TOM1L1: variants seen among roughly 807,000 people sequenced by gnomAD.
TOM1L1 encodes TOM1-like protein 1.
TOM1L1 carries 64 observed loss-of-function variants against 63.4 expected under a neutral mutation model. That is an observed-to-expected ratio of 1.01 (90% CI 0.83 to 1.24). The LOEUF is 1.24. TOM1L1 is among the 50% of genes most tolerant of loss of function. TOM1L1 has a pLI of 0.00. For synonymous variants in TOM1L1, 166 were observed against 194.4 expected, an observed-to-expected ratio of 0.85 and a Z score of 1.22; for missense variants, 536 against 567.0, an observed-to-expected ratio of 0.95 and a Z score of 0.55.
At chr17:54,956,815 A>G (rs2144051636) in intron 14 of TOM1L1, 1 of 152,130 alleles carries the variant, frequency 6.6e-6, no homozygotes, top group African/African-American at 2.4e-5. Context: ...TCTCCAAAGC[A>G]GGAAAGTGAC....
intron 1 of TOM1L1, chr17:54,901,144 C>A (rs2048320743): frequency 4.7e-6 from 3 of 634,450 alleles, no homozygotes; most frequent in Non-Finnish European, 8.2e-6. Flanking sequence ...AAAAATGTAC[C>A]TTCCTTTCGA....
At chr17:54,921,969 A>G (rs1187170768) in intron 7 of TOM1L1, among the ~76,000 whole-genome samples, 1 of 152,164 alleles carries the variant, frequency 6.6e-6, no homozygotes, top group East Asian at 1.9e-4. Context: ...CTGTATTCTT[A>G]AAGTAAGCTA....
chr17:54,922,241 C>T (rs990723043), intron 7 of TOM1L1, among the ~76,000 whole-genome samples: 4 of 150,762 alleles, frequency 2.7e-5, no homozygotes, highest in South Asian at 4.2e-4. Context: ...TGCAGTGAGC[C>T]GAGATCAAGC....
intron 14 of TOM1L1, among the ~76,000 whole-genome samples, chr17:54,959,791 G>GT (rs1567851698): frequency 6.6e-6 from 1 of 151,802 alleles, no homozygotes; most frequent in Admixed American, 6.6e-5. Flanking sequence ...TAATTTTTAT[G>GT]TTTTTTGTAG....
chr17:54,958,262 AGAACT>A (rs1410615270), intron 14 of TOM1L1: 2 of 152,266 alleles, frequency 1.3e-5, no homozygotes, highest in Non-Finnish European at 2.9e-5. Flanking sequence ...AAGTAAGATA[AGAACT>A]GAAAACTAGA....
chr17:54,960,568 C>A lies in TOM1L1; in HGVS notation c.1373C>A (p.Ala458Asp). The A allele has an allele frequency of 6.2e-7, 1 of 1,612,668 alleles. No homozygotes were observed. The highest frequency in any genetic ancestry group is 8.5e-7 in the Non-Finnish European group (1 of 1,179,330). ...DPLAPAVTTE[A>D]IYEEIDAHQH... Reference sequence around the variant, plus strand: ...TTGCTGTGATGGCTTTGTTTCAGAGCTATTTATGAAGAAATTGATGCTCAC... The same window carrying A: ...TTGCTGTGATGGCTTTGTTTCAGAGATATTTATGAAGAAATTGATGCTCAC... The change falls in exon 15 of 16, where the codon GCT (alanine) becomes GAT (aspartate). Residue 458 changes from alanine to aspartate, a missense_variant and splice_region_variant. Ala to Asp is a moderately radical substitution (Grantham distance 126, BLOSUM62 -2). Transcript: ENST00000575882.
intron 1 of TOM1L1, among the ~76,000 whole-genome samples, chr17:54,903,496 T>C (rs764950300): frequency 2.0e-5 from 3 of 152,244 alleles, no homozygotes; most frequent in South Asian, 2.1e-4. Context: ...TCTTTATTAA[T>C]AGGTCACTCA....
intron 12 of TOM1L1, 23 bp from the exon 13 acceptor site, chr17:54,949,495 A>C (rs754831545): frequency 1.3e-6 from 2 of 1,566,582 alleles, no homozygotes; most frequent in South Asian, 2.2e-5. Context: ...CGTTTATATG[A>C]ACATGTGTTA....
Position 54,913,755 on chromosome 17 carries a change from C to G in TOM1L1, c.380C>G (p.Ser127Ter). 6.2e-7 allele frequency: 1 copy of G among 1,603,162 alleles called. No individual in the cohort carries two copies. Among genetic ancestry groups the G allele is most frequent in the Non-Finnish European group, 8.5e-7 (1 of 1,174,022 alleles). Residue 127 changes from serine (S) to a stop codon, truncating the protein, a stop_gained, in exon 5 of 16, where the codon TCA (serine) becomes TGA (stop). Transcript: ENST00000575882. LOFTEE classifies it high-confidence loss of function. ...TTCATCTCTTGAATTCAGACTTGGT[C>G]ACAGGGCTTCCCAGGAGGTGTGGAT... ...NRILNFIKTW[S>*]QGFPGGVDVS...
intron 14 of TOM1L1, chr17:54,952,853 T>TA (rs1325725190): frequency 6.6e-6 from 1 of 152,204 alleles, no homozygotes; most frequent in African/African-American, 2.4e-5. Context: ...TGTCCTGATT[T>TA]AGAGAAATTG....
At position 54,949,635 on chromosome 17, in the gene TOM1L1, C is replaced by G. The variant is rs754633232; in HGVS notation, c.1288+12C>G. 1 of 1,595,174 alleles carries G rather than the reference C, an allele frequency of 6.3e-7. No individual in the cohort carries two copies. On this transcript the variant is annotated intron_variant, in intron 13 of 15. Coordinates refer to ENST00000575882, the MANE Select transcript of TOM1L1 (RefSeq NM_005486.3). ...CAGCAATCATCCAGGTACATGGGAC[C>G]TTATTATTCGCATCAAATAAGGAAA...
chr17:54,940,920 T>A (rs17817847), intron 11 of TOM1L1, among the ~76,000 whole-genome samples: 31,753 of 152,098 alleles, frequency 0.21, 3,881 homozygotes, highest in Non-Finnish European at 0.27. Context: ...AGTGTATATA[T>A]TTTAGATAAT....
rs58110510 is a variant in TOM1L1, at chr17:54,929,374, GA to G, written c.721-686del. 4.6e-3 allele frequency among the ~76,000 whole-genome samples: 646 copies of G among 140,458 alleles called. 1 individual carries two copies. Among genetic ancestry groups the G allele is most frequent in the Non-Finnish European group, 5.6e-3 (356 of 63,978 alleles). 92.1% of individuals were successfully genotyped at this position (140,458 alleles called of 152,430 possible). A position where few individuals can be genotyped will look rare whatever the true frequency, so the allele number is the denominator to read the frequency against. On this transcript the variant is annotated intron_variant, in intron 7 of 15. Coordinates refer to ENST00000575882, the MANE Select transcript of TOM1L1 (RefSeq NM_005486.3). ...ATGTAGATGGCTCTGATGCTTATGA[GA>G]AAAAAAAAAAAATGGGTTTGGGAGG...
At chr17:54,932,983 G>C (rs2048888429) in intron 8 of TOM1L1, among the ~76,000 whole-genome samples, 2 of 152,144 alleles carry the variant, frequency 1.3e-5, no homozygotes, top group Non-Finnish European at 2.9e-5. Flanking sequence ...TTCTGACTGG[G>C]CTTTGAACCC....
At chr17:54,939,640 C>T (rs1314496034) in intron 11 of TOM1L1, among the ~76,000 whole-genome samples, 1 of 152,182 alleles carries the variant, frequency 6.6e-6, no homozygotes, top group African/African-American at 2.4e-5. Flanking sequence ...TCACTGCAGC[C>T]TCAAACTCCT....
At chr17:54,929,984 G>T in intron 7 of TOM1L1, 89 bp from the exon 8 acceptor site, 2 of 1,536,290 alleles carry the variant, frequency 1.3e-6, no homozygotes, top group South Asian at 2.4e-5. Flanking sequence ...ACGTGGAGGT[G>T]ACTGTAGGTA....
In TOM1L1 at chr17:54,949,203, A is replaced by ATT. The variant is rs58407367; in HGVS notation, c.1183-300_1183-299dup. 5.0e-4 allele frequency among the ~76,000 whole-genome samples: 61 copies of ATT among 122,274 alleles called. 3 individuals are homozygous for ATT. The highest frequency in any genetic ancestry group is 1.6e-3 in the African/African-American group (51 of 31,474). 80.2% of individuals were successfully genotyped at this position (122,274 alleles called of 152,430 possible). ...CAGGTGTGAGCCACCATGCCCAGCT[A>ATT]TTTTTTTTTTTTTTTTGTAGAGTTG... On this transcript the variant is annotated intron_variant, in intron 12 of 15. Transcript: ENST00000575882.
intron 5 of TOM1L1, 92 bp from the exon 6 acceptor site, chr17:54,914,547 T>G: frequency 8.4e-6 from 8 of 951,120 alleles, no homozygotes; most frequent in Non-Finnish European, 1.3e-5. Flanking sequence ...CACAGGACTT[T>G]GAGAGTGCTT....
intron 7 of TOM1L1, among the ~76,000 whole-genome samples, chr17:54,924,072 G>A (rs2048727813): frequency 6.6e-6 from 1 of 151,880 alleles, no homozygotes; most frequent in Non-Finnish European, 1.5e-5. Context: ...CATTATAGTT[G>A]GAGTAAAACT....
Sources: allele counts gnomAD v4.1 joint callset (sites outside exome capture counted in the v4.1 genomes callset), GRCh38; gene constraint gnomAD v4.1.1; transcripts MANE v1.5; gene names NCBI Gene and HGNC (gene_info 2026-07-23, HGNC 2026-07-21).